STON1: variants seen among roughly 807,000 people sequenced by gnomAD.
STON1 encodes stonin-1.
STON1 carries 79 observed loss-of-function variants against 60.9 expected under a neutral mutation model. The ratio of observed to expected loss-of-function variants is 1.30; its 90% confidence interval spans 1.08 to 1.56. STON1 has a LOEUF of 1.56. STON1 is among the 40% of genes most tolerant of loss of function. STON1 has a pLI of 0.00. For synonymous variants in STON1, 363 were observed against 306.9 expected (o/e 1.18, Z -1.91); for missense variants, 1,166 against 858.9 (o/e 1.36, Z -4.47).
intron 1 of STON1, among the ~76,000 whole-genome samples, chr2:48,565,020 A>C (rs1466443486): frequency 1.7e-4 from 23 of 138,832 alleles, no homozygotes; most frequent in African/African-American, 5.9e-4. Context: ...GACGTGAGCC[A>C]CTGTCCCTGG....
chr2:48,540,310 C>T (rs943498185), intron 1 of STON1, among the ~76,000 whole-genome samples: 8 of 152,140 alleles, frequency 5.3e-5, no homozygotes, highest in Non-Finnish European at 1.5e-5. Flanking sequence ...TGTTATAATA[C>T]TGGGTGTGTT....
chr2:48,578,854 G>A (rs1015674680), intron 1 of STON1, among the ~76,000 whole-genome samples: 1 of 151,908 alleles, frequency 6.6e-6, no homozygotes, highest in East Asian at 1.9e-4. Context: ...GCCTCCCAAA[G>A]TGCTGGGATT....
In STON1 at chr2:48,564,486, C is replaced by CTTCTTCTTCTTCT. The variant is rs1672794421; in HGVS notation, c.-47-16099_-47-16087dup. On this transcript the variant is annotated intron_variant, in intron 1 of 3. Transcript: ENST00000404752. ...CTTCTTCTTCTTCTTCTTCTTTCTTCTTCTTCTTCTTCTTCTTCTTCTTCT... is the reference window on the plus strand; with the variant it reads ...CTTCTTCTTCTTCTTCTTCTTTCTTCTTCTTCTTCTTCTTTCTTCTTCTTCTTCTTCTTCTTCT... 8.1e-5 allele frequency among the ~76,000 whole-genome samples: 2 copies of CTTCTTCTTCTTCT among 24,680 alleles called. 1 individual carries two copies. 16.2% of individuals were successfully genotyped at this position (24,680 alleles called of 152,430 possible).
rs1558603831 is a variant in STON1 at position 48,564,408 on chromosome 2, T to TTCTTCC, written c.-47-16174_-47-16173insCTCTTC. Reference sequence around the variant, plus strand: ...GTCCTCCAGTGGCAGTGGCGGTGTCTTCTTCTTCTTCTTCTTCTTCTTCTT... The same window carrying TTCTTCC: ...GTCCTCCAGTGGCAGTGGCGGTGTCTTCTTCCTCTTCTTCTTCTTCTTCTTCTTCTT... On this transcript the variant is annotated intron_variant, in intron 1 of 3. Transcript: ENST00000404752. Among the ~76,000 whole-genome samples, 30 of 21,822 alleles carry TTCTTCC rather than the reference T, an allele frequency of 1.4e-3. 3 individuals carry two copies. The highest frequency in any genetic ancestry group is 2.0e-3 in the Non-Finnish European group (20 of 9,770). The allele number at this position is 21,822 out of a possible 152,430, so 14.3% of individuals were successfully genotyped here. A position where few individuals can be genotyped will look rare whatever the true frequency, so the allele number is the denominator to read the frequency against.
intron 1 of STON1, among the ~76,000 whole-genome samples, chr2:48,549,810 C>CAA (rs59908100): frequency 1.3e-3 from 100 of 77,614 alleles, no homozygotes; most frequent in African/African-American, 1.9e-3. Context: ...GACTCCATCT[C>CAA]AAAAAAAAAA....
intron 1 of STON1, among the ~76,000 whole-genome samples, chr2:48,565,596 A>G (rs771090479): frequency 1.3e-5 from 2 of 152,348 alleles, no homozygotes; most frequent in South Asian, 4.1e-4. Context: ...AGGCATGGTC[A>G]TAAGTTAGGC....
chr2:48,549,234 A>G (rs1572935105), intron 1 of STON1, among the ~76,000 whole-genome samples: 1 of 152,182 alleles, frequency 6.6e-6, no homozygotes, highest in Non-Finnish European at 1.5e-5. Context: ...AGAATTTATC[A>G]AGTGCTTCCT....
intron 1 of STON1, among the ~76,000 whole-genome samples, chr2:48,541,852 C>A (rs1337149209): frequency 6.6e-6 from 1 of 152,108 alleles, no homozygotes; most frequent in African/African-American, 2.4e-5. Context: ...CCACTGCCAC[C>A]ATCTGGAACC....
chr2:48,582,378 T>C lies in STON1; in HGVS notation c.1745T>C (p.Leu582Pro), dbSNP rs148520667. 6.8e-6 allele frequency: 11 copies of C among 1,614,050 alleles called. No individual in the cohort carries two copies. Among genetic ancestry groups the C allele is most frequent in the Non-Finnish European group, 9.3e-6 (11 of 1,180,042 alleles). Residue 582 changes from leucine (L) to proline (P), a missense_variant, in exon 2 of 4, where the codon CTT becomes CCT. Transcript: ENST00000404752. The stretch of plus-strand genomic sequence containing the variant: ...GTCCCATCGCAGTGGATCAAGGCCC[T>C]TTGGACCATGAACCTCCAGAGGCAG... ...FPVPSQWIKA[L>P]WTMNLQRQKS...
intron 1 of STON1, among the ~76,000 whole-genome samples, chr2:48,566,590 G>A (rs1030817952): frequency 5.3e-5 from 8 of 152,168 alleles, no homozygotes; most frequent in African/African-American, 1.9e-4. Context: ...ACCTGTGACT[G>A]GGCATTTTAA....
chr2:48,530,395 G>A (rs1301684838), intron 1 of STON1, 179 bp downstream of exon 1: 1 of 241,444 alleles, frequency 4.1e-6, no homozygotes, highest in African/African-American at 2.4e-5. Context: ...GGGCGCCCTG[G>A]GGCCCGCAGA....
chr2:48,571,690 G>C (rs1025010851), intron 1 of STON1, among the ~76,000 whole-genome samples: 10 of 152,140 alleles, frequency 6.6e-5, no homozygotes, highest in African/African-American at 2.4e-4. Context: ...GACAGGGTGT[G>C]GCCCCCTTTC....
chr2:48,544,395 G>C (rs967462744), intron 1 of STON1, among the ~76,000 whole-genome samples: 1 of 152,176 alleles, frequency 6.6e-6, no homozygotes, highest in East Asian at 1.9e-4. Context: ...ATTTAAAACA[G>C]CTATGGCCCA....
chr2:48,587,316 G>T (rs535188801), intron 2 of STON1, among the ~76,000 whole-genome samples: 22 of 151,794 alleles, frequency 1.4e-4, no homozygotes, highest in African/African-American at 5.1e-4. Flanking sequence ...TTTATGAGAC[G>T]GAGTCTCGCT....
At chr2:48,556,221 AC>A (rs1262974163) in intron 1 of STON1, among the ~76,000 whole-genome samples, 1 of 29,126 alleles carries the variant, frequency 3.4e-5, no homozygotes, top group African/African-American at 1.2e-4. Context: ...CGGGGGGCTG[AC>A]CCCCCCACCT....
chr2:48,587,596 T>TGAG (rs1412986774), intron 2 of STON1, among the ~76,000 whole-genome samples: 1 of 152,086 alleles, frequency 6.6e-6, no homozygotes, highest in Non-Finnish European at 1.5e-5. Context: ...CGGCCTCCCA[T>TGAG]GAGTATTTAT....
At chr2:48,548,865 C>T (rs570435647) in intron 1 of STON1, among the ~76,000 whole-genome samples, 1 of 152,304 alleles carries the variant, frequency 6.6e-6, no homozygotes, top group South Asian at 2.1e-4. Context: ...AACATTTTTA[C>T]TGCACAGTGT....
intron 1 of STON1, among the ~76,000 whole-genome samples, chr2:48,567,210 C>T (rs747134458): frequency 3.3e-5 from 5 of 152,138 alleles, no homozygotes; most frequent in East Asian, 1.9e-4. Context: ...CACATGTTTG[C>T]GATTAAGCAT....
At chr2:48,559,305 T>C (rs139892705) in intron 1 of STON1, among the ~76,000 whole-genome samples, 14 of 152,318 alleles carry the variant, frequency 9.2e-5, no homozygotes, top group Non-Finnish European at 1.8e-4. Context: ...AGAAATGTCT[T>C]GCTCACAGTT....
Sources: gnomAD v4.1 joint callset for allele counts (sites outside exome capture counted in the v4.1 genomes callset) on GRCh38, gnomAD v4.1.1 for gene constraint, MANE v1.5 for transcripts, NCBI Gene and HGNC (gene_info 2026-07-23, HGNC 2026-07-21) for gene names.